Variants in RBFOX1 observed in about 807,000 individuals in gnomAD.
RBFOX1 encodes the protein RNA binding fox-1 homolog 1.
RBFOX1 carries 8 observed loss-of-function variants against 57.7 expected under a neutral mutation model. That is an observed-to-expected ratio of 0.14 (90% CI 0.08 to 0.25). The LOEUF is 0.25. RBFOX1 is among the 10% of genes least tolerant of loss of function. RBFOX1 has a pLI of 1.00. For missense variants in RBFOX1, 611 were observed against 548.5 expected (o/e 1.11, Z -1.14); for synonymous variants, 326 against 222.4 (o/e 1.47, Z -4.15).
chr16:7,314,821 A>G (rs898550299), intron 4 of RBFOX1, among the ~76,000 whole-genome samples: 2 of 152,156 alleles, frequency 1.3e-5, no homozygotes, highest in African/African-American at 4.8e-5. Flanking sequence ...TCTTTAAACA[A>G]AGGGGTTTTT....
chr16:6,322,382 G>A (rs2081913001), intron 2 of RBFOX1, among the ~76,000 whole-genome samples: 1 of 152,146 alleles, frequency 6.6e-6, no homozygotes, highest in South Asian at 2.1e-4. Flanking sequence ...TTCATCTCTT[G>A]ATATCTAAAC....
intron 5 of RBFOX1, among the ~76,000 whole-genome samples, chr16:7,567,327 CTATATATGGCCCTATA>C (rs2092025093): frequency 1.8e-5 from 1 of 54,286 alleles, no homozygotes; most frequent in Non-Finnish European, 4.2e-5. Flanking sequence ...ATATATCTCC[CTATATATGGCCCTATA>C]TATATATCCC....
At chr16:5,419,147 T>G (rs1272726208) in intron 1 of RBFOX1, among the ~76,000 whole-genome samples, 4 of 152,162 alleles carry the variant, frequency 2.6e-5, no homozygotes, top group Non-Finnish European at 5.9e-5. Flanking sequence ...AGGGATGGTC[T>G]CTGTATTAGG....
chr16:6,639,762 C>T (rs987934774), intron 2 of RBFOX1, among the ~76,000 whole-genome samples: 2 of 152,040 alleles, frequency 1.3e-5, no homozygotes, highest in African/African-American at 2.4e-5. Context: ...GCCTGTAGTC[C>T]CAGCTACTCG....
At chr16:7,162,993 G>A (rs979192642) in intron 4 of RBFOX1, among the ~76,000 whole-genome samples, 4 of 152,114 alleles carry the variant, frequency 2.6e-5, no homozygotes, top group Admixed American at 2.0e-4. Context: ...CCACGATCCT[G>A]TTACATTGCA....
At chr16:7,671,563 G>T (rs1279254693) in intron 13 of RBFOX1, 2 of 1,610,236 alleles carry the variant, frequency 1.2e-6, no homozygotes, top group African/African-American at 1.3e-5. Flanking sequence ...ATAGAGTAGT[G>T]TATCAAGAGC....
chr16:6,019,795 A>C lies in RBFOX1; in HGVS notation c.-324A>C. 6.8e-7 allele frequency: 1 copy of C among 1,478,452 alleles called. No individual in the cohort carries two copies. Among genetic ancestry groups the C allele is most frequent in the South Asian group, 1.3e-5 (1 of 77,514 alleles). The allele number at this position is 1,478,452 out of a possible 1,614,324, so 91.6% of individuals were successfully genotyped here. A position where few individuals can be genotyped will look rare whatever the true frequency, so the allele number is the denominator to read the frequency against. On this transcript the variant is annotated 5_prime_UTR_variant, in exon 1 of 16. Coordinates refer to ENST00000550418, the MANE Select transcript of RBFOX1 (RefSeq NM_018723.4). This position sits in a 1 kb window ranked among gnomAD's most constrained non-coding sequence, Gnocchi z 4.2. ...GCCGCCAGGGTCCCCGCCTGTCCGG[A>C]CCCTCGCCGCGCCCAGGCAGGCGCG...
At chr16:6,746,532 C>T (rs548944291) in intron 3 of RBFOX1, among the ~76,000 whole-genome samples, 1 of 151,856 alleles carries the variant, frequency 6.6e-6, no homozygotes, top group Admixed American at 6.6e-5. Flanking sequence ...CAAAAAATTG[C>T]CGGGCATGAT....
At chr16:5,893,315 C>CA (rs1218896852) in intron 4 of RBFOX1, among the ~76,000 whole-genome samples, 3 of 151,930 alleles carry the variant, frequency 2.0e-5, no homozygotes, top group African/African-American at 7.3e-5. Flanking sequence ...TGAATGGGCA[C>CA]AAAAAATAGA....
At position 6,019,654 on chromosome 16, in the gene RBFOX1, C is replaced by T. The variant is rs2095029163; in HGVS notation, c.-465C>T. The T allele has an allele frequency of 2.3e-6, 3 of 1,300,756 alleles. No individual in the cohort carries two copies. The highest frequency in any genetic ancestry group is 2.9e-6 in the Non-Finnish European group (3 of 1,024,334). The allele number at this position is 1,300,756 out of a possible 1,614,324, so 80.6% of individuals were successfully genotyped here. On this transcript the variant is annotated 5_prime_UTR_variant, in exon 1 of 16. Coordinates refer to ENST00000550418, the MANE Select transcript of RBFOX1 (RefSeq NM_018723.4). This position sits in a 1 kb window ranked among gnomAD's most constrained non-coding sequence, Gnocchi z 4.2. ...TCTGGAGGGGACAGCCAGCCGTGGG[C>T]CCCGCCCCGGCGTCCGGAGCAGGAG... is the stretch of plus-strand genomic sequence containing the variant.
At chr16:6,872,749 G>A (rs558935496) in intron 3 of RBFOX1, among the ~76,000 whole-genome samples, 1 of 152,222 alleles carries the variant, frequency 6.6e-6, no homozygotes, top group East Asian at 1.9e-4. Context: ...TCCTTCAGGA[G>A]TTAAAAGTGC....
At chr16:6,808,812 T>C (rs575778407) in intron 3 of RBFOX1, among the ~76,000 whole-genome samples, 1 of 152,130 alleles carries the variant, frequency 6.6e-6, no homozygotes, top group African/African-American at 2.4e-5. Flanking sequence ...TAACATACAA[T>C]ATCTCTAATT....
intron 2 of RBFOX1, among the ~76,000 whole-genome samples, chr16:6,649,423 A>C (rs189813140): frequency 1.3e-5 from 2 of 152,272 alleles, no homozygotes; most frequent in South Asian, 4.1e-4. Flanking sequence ...TACATGAACA[A>C]GTTCTTCAGT....
intron 2 of RBFOX1, among the ~76,000 whole-genome samples, chr16:6,565,509 G>A (rs1258425015): frequency 2.0e-5 from 3 of 150,520 alleles, no homozygotes; most frequent in Non-Finnish European, 4.4e-5. Context: ...CACCTGCTTC[G>A]GCTTCCCAAA....
intron 3 of RBFOX1, among the ~76,000 whole-genome samples, chr16:7,021,150 T>A (rs1043884807): frequency 1.3e-5 from 2 of 151,982 alleles, no homozygotes; most frequent in South Asian, 4.2e-4. Context: ...TTTTGTTGAA[T>A]AAATGAATAA....
At chr16:6,705,849 C>T (rs954183518) in intron 3 of RBFOX1, among the ~76,000 whole-genome samples, 2 of 152,096 alleles carry the variant, frequency 1.3e-5, no homozygotes, top group African/African-American at 4.8e-5. Context: ...AAAACCCTGT[C>T]TTTACTAAAA....
intron 4 of RBFOX1, among the ~76,000 whole-genome samples, chr16:5,920,138 G>A (rs967504090): frequency 3.3e-5 from 5 of 152,018 alleles, no homozygotes; most frequent in African/African-American, 4.8e-5. Context: ...ATTTCACCGC[G>A]TTAGCCAGGA....
At chr16:6,679,072 C>G (rs1007284520) in intron 3 of RBFOX1, among the ~76,000 whole-genome samples, 8 of 152,082 alleles carry the variant, frequency 5.3e-5, no homozygotes, top group African/African-American at 1.9e-4. Flanking sequence ...CCTTGCTAAT[C>G]TTTTTGAACA....
intron 1 of RBFOX1, among the ~76,000 whole-genome samples, chr16:6,042,285 G>A (rs1334198324): frequency 6.6e-6 from 1 of 151,898 alleles, no homozygotes; most frequent in Admixed American, 6.6e-5. Flanking sequence ...ATTTTTAGTA[G>A]AGACAGGGTT....
Sources: gnomAD v4.1 joint callset for allele counts (sites outside exome capture counted in the v4.1 genomes callset) on GRCh38, gnomAD v4.1.1 for gene constraint, Gnocchi (gnomAD v3.1) non-coding constraint, MANE v1.5 for transcripts, NCBI Gene and HGNC (gene_info 2026-07-23, HGNC 2026-07-21) for gene names.